STK39: variants seen among roughly 807,000 people sequenced by gnomAD.
STK39 encodes the protein STE20/SPS1-related proline-alanine-rich protein kinase.
STK39 carries 20 observed loss-of-function variants against 77.8 expected under a neutral mutation model. That is an observed-to-expected ratio of 0.26 (90% CI 0.18 to 0.37). The LOEUF is 0.37. Ranked by LOEUF, STK39 falls within the 10% of genes least tolerant of loss-of-function variation. The probability of loss-of-function intolerance (pLI) is 1.00; values close to 1 mark genes in which losing one functional copy is unlikely to be tolerated. For missense variants in STK39, 479 were observed against 656.5 expected, an observed-to-expected ratio of 0.73 and a Z score of 2.95; for synonymous variants, 246 against 234.1, an observed-to-expected ratio of 1.05 and a Z score of -0.47.
intron 3 of STK39, 33 bp from the exon 4 acceptor site, chr2:168,163,913 G>A: frequency 1.2e-6 from 2 of 1,604,830 alleles, no homozygotes; most frequent in Non-Finnish European, 8.5e-7. Flanking sequence ...TAAAACATAA[G>A]CACCTTCATC....
chr2:168,130,673 A>G (rs147440571), intron 8 of STK39, among the ~76,000 whole-genome samples: 3 of 152,344 alleles, frequency 2.0e-5, no homozygotes, highest in Non-Finnish European at 2.9e-5. Context: ...AATTGTGTTC[A>G]TATCTTTGCC....
At chr2:168,160,591 T>C (rs1688544707) in intron 5 of STK39, among the ~76,000 whole-genome samples, 2 of 152,130 alleles carry the variant, frequency 1.3e-5, no homozygotes, top group South Asian at 2.1e-4. Context: ...GAAGATGAAG[T>C]AGTTTATATT....
chr2:168,181,064 G>A (rs189301721), intron 2 of STK39, among the ~76,000 whole-genome samples: 27 of 152,278 alleles, frequency 1.8e-4, no homozygotes, highest in African/African-American at 6.5e-4. Flanking sequence ...AATGTAGACT[G>A]TAACAAAAGG....
rs115461465 is a variant in STK39, at chr2:168,135,700, T to C, written c.974+2388A>G. On this transcript the variant is annotated intron_variant, in intron 8 of 17. Coordinates refer to ENST00000355999, the MANE Select transcript of STK39 (RefSeq NM_013233.3). ...AAGTAATTCAACAATGTTGCTTTTT[T>C]CCATTCTTACATTGCATAGATTTTT... Among the ~76,000 whole-genome samples, 1,063 of 152,316 alleles carry C rather than the reference T, an allele frequency of 7.0e-3. 12 individuals are homozygous for C. The highest frequency in any genetic ancestry group is 0.024 in the African/African-American group (997 of 41,560).
At chr2:168,009,937 A>C (rs1684227589) in intron 16 of STK39, among the ~76,000 whole-genome samples, 1 of 152,236 alleles carries the variant, frequency 6.6e-6, no homozygotes, top group African/African-American at 2.4e-5. Flanking sequence ...AAATTCAACA[A>C]CAACAACAAT....
At chr2:168,083,295 T>C (rs571102287) in intron 10 of STK39, among the ~76,000 whole-genome samples, 2 of 152,082 alleles carry the variant, frequency 1.3e-5, no homozygotes, top group Non-Finnish European at 2.9e-5. Context: ...TATACCTCTA[T>C]GTCATTCTAC....
chr2:168,043,924 C>T (rs1013483110), intron 14 of STK39, among the ~76,000 whole-genome samples: 6 of 152,124 alleles, frequency 3.9e-5, no homozygotes, highest in African/African-American at 1.4e-4. Flanking sequence ...TCCCTACACT[C>T]GCAATTCTTT....
intron 17 of STK39, among the ~76,000 whole-genome samples, chr2:167,961,505 CA>C (rs1691958897): frequency 6.6e-6 from 1 of 152,050 alleles, no homozygotes; most frequent in Non-Finnish European, 1.5e-5. Flanking sequence ...CACCTACTTA[CA>C]AAACTGCCAA....
chr2:168,103,385 T>C (rs1022930067), intron 10 of STK39, among the ~76,000 whole-genome samples: 9 of 152,246 alleles, frequency 5.9e-5, no homozygotes, highest in African/African-American at 2.2e-4. Context: ...TGTTTTCAAG[T>C]AGGCTTCAAA....
intron 1 of STK39, among the ~76,000 whole-genome samples, chr2:168,215,651 T>C (rs10198473): frequency 0.58 from 88,357 of 151,934 alleles, 29,264 homozygotes; most frequent in Non-Finnish European, 0.78. Flanking sequence ...CCCTTTCTAA[T>C]AATTAGTCAC....
intron 1 of STK39, among the ~76,000 whole-genome samples, chr2:168,202,966 A>G (rs1284516070): frequency 6.6e-6 from 1 of 152,156 alleles, no homozygotes; most frequent in Non-Finnish European, 1.5e-5. Context: ...AATGCTATTG[A>G]CAGGAAGACT....
intron 1 of STK39, among the ~76,000 whole-genome samples, chr2:168,215,312 G>A (rs541422636): frequency 6.6e-6 from 1 of 152,164 alleles, no homozygotes; most frequent in Non-Finnish European, 1.5e-5. Context: ...TTTTACAGGG[G>A]AGAAAAAAAA....
chr2:168,034,407 T>C (rs1221859253), intron 14 of STK39, among the ~76,000 whole-genome samples: 1 of 152,188 alleles, frequency 6.6e-6, no homozygotes, highest in Non-Finnish European at 1.5e-5. Flanking sequence ...CAAGTTCATG[T>C]GAAGTTAGAA....
At position 167,955,322 on chromosome 2, in the gene STK39, T is replaced by TA. The variant is rs869207682; in HGVS notation, c.*173dup. 5.2e-5 allele frequency: 31 copies of TA among 598,006 alleles called. No homozygotes were observed. Among genetic ancestry groups the TA allele is most frequent in the Non-Finnish European group, 7.9e-5 (27 of 343,104 alleles). 37.0% of individuals were successfully genotyped at this position (598,006 alleles called of 1,614,324 possible). On this transcript the variant is annotated 3_prime_UTR_variant, in exon 18 of 18. Coordinates refer to ENST00000355999, the MANE Select transcript of STK39 (RefSeq NM_013233.3). ...GCAGAACTCGGAGTGTTGTAAGTTTTAAAAAATTATTTTTTTATCCCATTT... is the reference window on the plus strand; with the variant it reads ...GCAGAACTCGGAGTGTTGTAAGTTTTAAAAAAATTATTTTTTTATCCCATTT...
chr2:168,105,672 A>G (rs1686950646), intron 10 of STK39, among the ~76,000 whole-genome samples: 1 of 152,200 alleles, frequency 6.6e-6, no homozygotes, highest in Non-Finnish European at 1.5e-5. Context: ...GGAAATACCA[A>G]TTGTGTATTT....
At chr2:167,978,991 A>G (rs1365301462) in intron 16 of STK39, among the ~76,000 whole-genome samples, 1 of 152,206 alleles carries the variant, frequency 6.6e-6, no homozygotes, top group African/African-American at 2.4e-5. Flanking sequence ...ACCATGGTCC[A>G]TGATGGAACA....
intron 1 of STK39, among the ~76,000 whole-genome samples, chr2:168,215,556 C>T (rs1690004864): frequency 6.6e-6 from 1 of 152,184 alleles, no homozygotes; most frequent in African/African-American, 2.4e-5. Flanking sequence ...TCCCAAATCC[C>T]AAACATCAAC....
chr2:168,058,012 CTTT>C (rs200024615), intron 14 of STK39, among the ~76,000 whole-genome samples: 3 of 152,100 alleles, frequency 2.0e-5, no homozygotes, highest in Admixed American at 2.0e-4. Flanking sequence ...TGTAAACATG[CTTT>C]TTTTAAAAAA....
intron 1 of STK39, among the ~76,000 whole-genome samples, chr2:168,226,453 T>C (rs1690308673): frequency 6.6e-6 from 1 of 152,226 alleles, no homozygotes; most frequent in Admixed American, 6.5e-5. Context: ...AATTTTGTTA[T>C]ATTCTATAAT....
Sources: gnomAD v4.1 joint callset for allele counts (sites outside exome capture counted in the v4.1 genomes callset) on GRCh38, gnomAD v4.1.1 for gene constraint, MANE v1.5 for transcripts, NCBI Gene and HGNC (gene_info 2026-07-23, HGNC 2026-07-21) for gene names.